Variants in TANC1 observed in about 807,000 individuals in gnomAD.
TANC1 encodes protein TANC1.
TANC1 carries 77 observed loss-of-function variants against 149.7 expected under a neutral mutation model. The observed-to-expected ratio is 0.51, with a 90% confidence interval of 0.43 to 0.62. TANC1 has a LOEUF of 0.62. Ranked by LOEUF, TANC1 falls within the 20% of genes least tolerant of loss-of-function variation. The probability of loss-of-function intolerance (pLI) is 0.00; values close to 1 mark genes in which losing one functional copy is unlikely to be tolerated. For missense variants in TANC1, 1,985 were observed against 2,321.8 expected, an observed-to-expected ratio of 0.85 and a Z score of 2.98; for synonymous variants, 854 against 925.0, an observed-to-expected ratio of 0.92 and a Z score of 1.39.
chr2:159,084,303 C>T (rs549806266), intron 3 of TANC1, among the ~76,000 whole-genome samples: 7 of 152,112 alleles, frequency 4.6e-5, no homozygotes, highest in South Asian at 2.1e-4. Flanking sequence ...CTAGCTCCCC[C>T]CCCAATACAG....
At chr2:159,186,673 C>T (rs910357424) in intron 15 of TANC1, among the ~76,000 whole-genome samples, 1 of 152,188 alleles carries the variant, frequency 6.6e-6, no homozygotes, top group Non-Finnish European at 1.5e-5. Context: ...CCATCTCTCT[C>T]CCAAGGCACA....
At chr2:159,075,427 C>A (rs2043574136) in intron 3 of TANC1, among the ~76,000 whole-genome samples, 1 of 136,926 alleles carries the variant, frequency 7.3e-6, no homozygotes, top group Admixed American at 7.2e-5. Flanking sequence ...AAAAAAAAAA[C>A]TGGCCAGGTG....
intron 2 of TANC1, among the ~76,000 whole-genome samples, chr2:159,029,317 T>C (rs952773655): frequency 6.6e-6 from 1 of 152,312 alleles, no homozygotes; most frequent in Middle Eastern, 3.4e-3. Flanking sequence ...GGAGTGAAAA[T>C]AGCTCTTTGG....
At chr2:159,050,257 A>C (rs2041370544) in intron 2 of TANC1, among the ~76,000 whole-genome samples, 3 of 152,268 alleles carry the variant, frequency 2.0e-5, no homozygotes, top group Admixed American at 1.3e-4. Context: ...GGCATGTGCC[A>C]CCACTCCCAG....
chr2:159,129,515 A>G (rs1429835076), intron 4 of TANC1, among the ~76,000 whole-genome samples: 1 of 151,948 alleles, frequency 6.6e-6, no homozygotes, highest in Non-Finnish European at 1.5e-5. Flanking sequence ...CCAGACTGAC[A>G]CAGGCCCTGC....
chr2:159,161,754 TGCTGATGGAACACTG>T (rs1345495758), intron 7 of TANC1, among the ~76,000 whole-genome samples: 2 of 152,252 alleles, frequency 1.3e-5, no homozygotes, highest in Admixed American at 6.5e-5. Context: ...GGTTTAATAC[TGCTGATGGAACACTG>T]GCAAATGCTG....
At chr2:159,052,487 A>T (rs1183464485) in intron 2 of TANC1, among the ~76,000 whole-genome samples, 1 of 152,084 alleles carries the variant, frequency 6.6e-6, no homozygotes, top group African/African-American at 2.4e-5. Context: ...GTAAGAAGGC[A>T]CTCCCCAGAA....
chr2:159,088,683 T>C (rs573459684), intron 3 of TANC1, among the ~76,000 whole-genome samples: 134 of 152,300 alleles, frequency 8.8e-4, no homozygotes, highest in African/African-American at 2.8e-3. Flanking sequence ...TATGAGACTT[T>C]TTTTGTGACT....
chr2:159,124,199 A>G (rs907861857), intron 4 of TANC1, among the ~76,000 whole-genome samples: 1 of 152,098 alleles, frequency 6.6e-6, no homozygotes, highest in African/African-American at 2.4e-5. Context: ...CTCTACTAAA[A>G]ATACAAAAAT....
At chr2:159,087,719 A>G (rs952263198) in intron 3 of TANC1, among the ~76,000 whole-genome samples, 1 of 151,372 alleles carries the variant, frequency 6.6e-6, no homozygotes, top group Admixed American at 6.6e-5. Flanking sequence ...ACGGGAGGGG[A>G]CAAGGGTTGT....
chr2:159,101,252 A>G (rs17207382), intron 4 of TANC1, among the ~76,000 whole-genome samples: 36,368 of 152,164 alleles, frequency 0.24, 5,687 homozygotes, highest in Non-Finnish European at 0.36. Flanking sequence ...ACTGTTAGGG[A>G]CTGGAACAAT....
chr2:159,169,706 G>T (rs1423230733), intron 9 of TANC1, among the ~76,000 whole-genome samples: 1 of 152,082 alleles, frequency 6.6e-6, no homozygotes, highest in Non-Finnish European at 1.5e-5. Context: ...TCAATTCTTG[G>T]ACTAGGCCAG....
intron 16 of TANC1, 44 bp downstream of exon 16, chr2:159,187,068 C>T (rs776148208): frequency 1.0e-5 from 16 of 1,605,954 alleles, no homozygotes; most frequent in African/African-American, 1.3e-5. Context: ...CAGCCCTGGC[C>T]GGCTGCTGGC....
At chr2:159,014,681 T>C (rs186877890) in intron 2 of TANC1, among the ~76,000 whole-genome samples, 2 of 152,322 alleles carry the variant, frequency 1.3e-5, no homozygotes, top group Non-Finnish European at 1.5e-5. Flanking sequence ...TAGTTATTTC[T>C]TAGATACAAA....
chr2:159,228,101 T>A lies in TANC1; in HGVS notation c.4050+136T>A, dbSNP rs542452692. The A allele has an allele frequency of 1.2e-4, 111 of 919,056 alleles. 1 individual carries two copies. In the African/African-American group the frequency reaches 1.7e-3, roughly 14 times the overall value. The allele number at this position is 919,056 out of a possible 1,614,324, so 56.9% of individuals were successfully genotyped here. On this transcript the variant is annotated intron_variant, in intron 25 of 26. Coordinates refer to ENST00000263635, the MANE Select transcript of TANC1 (RefSeq NM_033394.3). The stretch of plus-strand genomic sequence containing the variant: ...CTTGCACATTTACATGAACCTGGCA[T>A]GTGGGAAACAGCTCCTATCCGTGAC...
At chr2:159,088,833 G>A (rs574315503) in intron 3 of TANC1, among the ~76,000 whole-genome samples, 41 of 152,292 alleles carry the variant, frequency 2.7e-4, no homozygotes, top group African/African-American at 9.9e-4. Context: ...ACTCTATGAA[G>A]GGTCTGGAGG....
intron 4 of TANC1, among the ~76,000 whole-genome samples, chr2:159,116,288 G>A (rs1435054719): frequency 1.3e-5 from 2 of 152,100 alleles, no homozygotes; most frequent in East Asian, 3.9e-4. Context: ...TTAGCTGGGT[G>A]TGGTGGCAGA....
chr2:159,069,174 G>A (rs2042927029), intron 3 of TANC1, among the ~76,000 whole-genome samples: 1 of 152,188 alleles, frequency 6.6e-6, no homozygotes, highest in Non-Finnish European at 1.5e-5. Context: ...GGCAAAAAGT[G>A]TTTTCAGAAG....
chr2:159,065,730 A>G (rs1411770003), intron 2 of TANC1, among the ~76,000 whole-genome samples, 166 bp from the exon 3 acceptor site: 4 of 151,422 alleles, frequency 2.6e-5, no homozygotes, highest in Admixed American at 2.6e-4. Context: ...TTCAGCATTT[A>G]GTTTCCCACC....
Sources: gnomAD v4.1 joint callset for allele counts (sites outside exome capture counted in the v4.1 genomes callset) on GRCh38, gnomAD v4.1.1 for gene constraint, MANE v1.5 for transcripts, NCBI Gene and HGNC (gene_info 2026-07-23, HGNC 2026-07-21) for gene names.